The following CLEC16A variants were observed in gnomAD, a reference collection of about 807,000 sequenced individuals.
CLEC16A encodes the protein protein CLEC16A.
In CLEC16A, 51 loss-of-function variants were observed where a neutral mutation model predicts 109.5. That is an observed-to-expected ratio of 0.47 (90% CI 0.37 to 0.59). The LOEUF (loss-of-function observed/expected upper bound fraction) is 0.59, where lower values mean the gene tolerates loss of function less well. CLEC16A is among the 20% of genes least tolerant of loss of function. The probability of loss-of-function intolerance (pLI) is 0.00; values close to 1 mark genes in which losing one functional copy is unlikely to be tolerated. For missense variants in CLEC16A, 1,339 were observed against 1,394.0 expected (o/e 0.96, Z 0.63); for synonymous variants, 673 against 564.2 (o/e 1.19, Z -2.73).
chr16:11,059,118 C>G (rs1597240122), intron 18 of CLEC16A, among the ~76,000 whole-genome samples: 2 of 152,172 alleles, frequency 1.3e-5, no homozygotes, highest in East Asian at 3.8e-4. Context: ...AATAACTCTG[C>G]CCCTCTCAGC....
chr16:11,012,456 G>A (rs891514198), intron 11 of CLEC16A, among the ~76,000 whole-genome samples: 2 of 152,008 alleles, frequency 1.3e-5, no homozygotes, highest in East Asian at 1.9e-4. Flanking sequence ...TTAACCAGGC[G>A]GAATGGCACG....
chr16:11,018,784 G>A (rs937663450), intron 11 of CLEC16A, among the ~76,000 whole-genome samples: 3 of 147,334 alleles, frequency 2.0e-5, no homozygotes, highest in African/African-American at 7.7e-5. Context: ...AGCTTGGGAT[G>A]TTCAAGAGAT....
At chr16:11,046,766 C>T in intron 16 of CLEC16A, among the ~76,000 whole-genome samples, 1 of 152,298 alleles carries the variant, frequency 6.6e-6, no homozygotes, top group Non-Finnish European at 1.5e-5. Flanking sequence ...TGAAGGGGCC[C>T]TCCCAGGCAG....
At chr16:11,120,154 A>C (rs1039346627) in intron 19 of CLEC16A, among the ~76,000 whole-genome samples, 4 of 152,160 alleles carry the variant, frequency 2.6e-5, no homozygotes, top group Non-Finnish European at 5.9e-5. Flanking sequence ...TAGTTTTAGT[A>C]GAGACAGGAT....
intron 19 of CLEC16A, among the ~76,000 whole-genome samples, chr16:11,090,614 G>A (rs1054621252): frequency 2.0e-5 from 3 of 152,000 alleles, no homozygotes; most frequent in Non-Finnish European, 4.4e-5. Context: ...AGTGTTTTAG[G>A]AGGCTCTCTG....
chr16:10,988,943 G>A (rs1404169238), intron 10 of CLEC16A, among the ~76,000 whole-genome samples: 1 of 152,156 alleles, frequency 6.6e-6, no homozygotes, highest in African/African-American at 2.4e-5. Flanking sequence ...CCTCCTACCT[G>A]GGACCTTCTT....
At chr16:11,135,813 G>A (rs575457350) in intron 22 of CLEC16A, among the ~76,000 whole-genome samples, 3 of 152,376 alleles carry the variant, frequency 2.0e-5, no homozygotes, top group South Asian at 4.1e-4. Flanking sequence ...AGTGTCAGTG[G>A]CAGAGCGGGT....
intron 21 of CLEC16A, among the ~76,000 whole-genome samples, chr16:11,125,018 G>T (rs573838080): frequency 6.6e-6 from 1 of 152,294 alleles, no homozygotes; most frequent in South Asian, 2.1e-4. Context: ...GAGCCTGGGA[G>T]GTGGAGGTTA....
chr16:10,953,831 G>A (rs1323183961), intron 1 of CLEC16A, among the ~76,000 whole-genome samples: 1 of 152,136 alleles, frequency 6.6e-6, no homozygotes, highest in Non-Finnish European at 1.5e-5. Context: ...AAAACAATTA[G>A]CCGAGCGTGC....
At chr16:10,962,721 G>C in intron 3 of CLEC16A, 133 bp downstream of exon 3, 2 of 973,852 alleles carry the variant, frequency 2.1e-6, no homozygotes, top group Non-Finnish European at 3.1e-6. Flanking sequence ...AGACTGAGTG[G>C]GTTAAACAAT....
intron 23 of CLEC16A, among the ~76,000 whole-genome samples, chr16:11,171,879 C>T (rs1370815062): frequency 6.6e-6 from 1 of 152,084 alleles, no homozygotes; most frequent in East Asian, 1.9e-4. Context: ...GGCACATACA[C>T]ACTCACACAT....
intron 19 of CLEC16A, among the ~76,000 whole-genome samples, chr16:11,099,894 G>GTT (rs1308729240): frequency 6.6e-6 from 1 of 152,140 alleles, no homozygotes; most frequent in African/African-American, 2.4e-5. Context: ...CCTGTGCTGT[G>GTT]TTTAAGTGTC....
chr16:11,109,400 C>T (rs575964364), intron 19 of CLEC16A, among the ~76,000 whole-genome samples: 12 of 152,242 alleles, frequency 7.9e-5, no homozygotes, highest in East Asian at 1.9e-4. Context: ...GTAATCCTCC[C>T]GCCTTGGCCT....
intron 22 of CLEC16A, 64 bp downstream of exon 22, chr16:11,126,210 C>T (rs2052805871): frequency 1.9e-6 from 3 of 1,601,386 alleles, no homozygotes; most frequent in African/African-American, 1.3e-5. Context: ...AGGTCTTTCT[C>T]TCTGTGGAGC....
chr16:10,980,591 A>G (rs1332908193), intron 9 of CLEC16A, among the ~76,000 whole-genome samples: 1 of 152,082 alleles, frequency 6.6e-6, no homozygotes, highest in Non-Finnish European at 1.5e-5. Flanking sequence ...ACGTCAGTGG[A>G]GAGAGTTAGG....
chr16:10,948,740 C>T (rs532339643), intron 1 of CLEC16A, among the ~76,000 whole-genome samples: 11 of 152,286 alleles, frequency 7.2e-5, no homozygotes, highest in African/African-American at 2.6e-4. Flanking sequence ...GGTCTGTCCC[C>T]GCTAAACCAT....
intron 19 of CLEC16A, among the ~76,000 whole-genome samples, chr16:11,084,535 A>T (rs2049904510): frequency 2.0e-5 from 3 of 152,190 alleles, no homozygotes; most frequent in Non-Finnish European, 1.5e-5. Context: ...CCATGACTCC[A>T]GGGCCCTAGA....
chr16:11,066,673 G>T (rs1475695635), intron 19 of CLEC16A: 1 of 152,210 alleles, frequency 6.6e-6, no homozygotes, highest in South Asian at 2.1e-4. Flanking sequence ...CTCTTGCCTG[G>T]CATAACCTAG....
chr16:11,036,544 C>CTTTTTTTTTTTTT (rs71404440), intron 13 of CLEC16A, among the ~76,000 whole-genome samples: 4 of 131,950 alleles, frequency 3.0e-5, no homozygotes, highest in African/African-American at 1.2e-4. Context: ...TCTAATTTTC[C>CTTTTTTTTTTTTT]TTTTTTTTTT....
Sources: gnomAD v4.1 joint callset for allele counts (sites outside exome capture counted in the v4.1 genomes callset) on GRCh38, gnomAD v4.1.1 for gene constraint, MANE v1.5 for transcripts, NCBI Gene and HGNC (gene_info 2026-07-23, HGNC 2026-07-21) for gene names.